MR1: variants seen among roughly 807,000 people sequenced by gnomAD.
MR1 encodes the protein major histocompatibility complex class I-related protein 1.
MR1 carries 44 observed loss-of-function variants against 37.8 expected under a neutral mutation model. The ratio of observed to expected loss-of-function variants is 1.16; its 90% CI spans 0.91 to 1.50. The LOEUF (loss-of-function observed/expected upper bound fraction) is 1.50. Among genes scored for constraint, MR1 ranks in the 40% most tolerant of loss-of-function variants. The pLI, the probability that MR1 is intolerant of heterozygous loss-of-function variation, is 0.00. For synonymous variants in MR1, 153 were observed against 155.8 expected (o/e 0.98, Z 0.13); for missense variants, 386 against 419.1 (o/e 0.92, Z 0.69).
intron 1 of MR1, 138 bp from the exon 2 acceptor site, chr1:181,048,914 T>G: frequency 8.8e-7 from 1 of 1,132,376 alleles, no homozygotes; most frequent in Non-Finnish European, 1.3e-6. Flanking sequence ...TGTGGTTCTG[T>G]AAGAGGAAAT....
Position 181,049,445 on chromosome 1 carries a change from T to C in MR1, c.328+133T>C, listed in dbSNP as rs538100116. On this transcript the variant is annotated intron_variant, in intron 2 of 5. Coordinates refer to ENST00000367580, the MANE Select transcript of MR1 (RefSeq NM_001385161.1). Reference sequence around the variant, plus strand: ...GGCAAAGCCTGAGGAATCAGGTTGGTGGAGTTCAGGGCCTCCCATCTGCCT... The same window carrying C: ...GGCAAAGCCTGAGGAATCAGGTTGGCGGAGTTCAGGGCCTCCCATCTGCCT... 28 of 1,158,992 alleles carry C rather than the reference T, an allele frequency of 2.4e-5. No individual in the cohort carries two copies. In the South Asian group the frequency reaches 4.2e-4, roughly 17 times the overall value. The allele number at this position is 1,158,992 out of a possible 1,614,324, so 71.8% of individuals were successfully genotyped here. A position where few individuals can be genotyped will look rare whatever the true frequency, so the allele number is the denominator to read the frequency against.
Position 181,056,589 on chromosome 1 carries a change from G to C in MR1, c.*1324G>C, listed in dbSNP as rs1425579849. 1 of 152,224 alleles carries C rather than the reference G, an allele frequency of 6.6e-6. No individual in the cohort carries two copies. Among genetic ancestry groups the C allele is most frequent in the Non-Finnish European group, 1.5e-5 (1 of 68,136 alleles). 9.4% of individuals were successfully genotyped at this position (152,224 alleles called of 1,614,324 possible). A position where few individuals can be genotyped will look rare whatever the true frequency, so the allele number is the denominator to read the frequency against. ...ATGTTCCTTACTATCCCCAACCCCT[G>C]AGGCCTCACCTACTGCCCTGCCATG... On this transcript the variant is annotated 3_prime_UTR_variant, in exon 6 of 6. Transcript: ENST00000367580.
intron 1 of MR1, among the ~76,000 whole-genome samples, chr1:181,036,060 T>G (rs147131484): frequency 5.3e-5 from 8 of 152,156 alleles, no homozygotes; most frequent in African/African-American, 1.9e-4. Flanking sequence ...AAAGGAGAGA[T>G]GTCAGAGAGC....
rs1438639443 is a variant in MR1 at position 181,057,556 on chromosome 1, G to A, written c.*2291G>A. 1 of 152,132 alleles carries A rather than the reference G, an allele frequency of 6.6e-6. No homozygotes were observed. The highest frequency in any genetic ancestry group is 1.5e-5 in the Non-Finnish European group (1 of 68,032). 9.4% of individuals were successfully genotyped at this position (152,132 alleles called of 1,614,324 possible). ...AGATAAAAAGCCTCTGTGTTTCCAA[G>A]GCCTTGCCCTACACCTAACACATAA... On this transcript the variant is annotated 3_prime_UTR_variant, in exon 6 of 6. Coordinates refer to ENST00000367580, the MANE Select transcript of MR1 (RefSeq NM_001385161.1).
intron 1 of MR1, among the ~76,000 whole-genome samples, chr1:181,037,319 G>A (rs1040730036): frequency 2.0e-5 from 3 of 152,162 alleles, no homozygotes; most frequent in African/African-American, 7.2e-5. Flanking sequence ...GAGAAAATAT[G>A]GGCTTTTTCT....
chr1:181,038,889 C>T (rs796349496), intron 1 of MR1, among the ~76,000 whole-genome samples: 23 of 152,136 alleles, frequency 1.5e-4, no homozygotes, highest in African/African-American at 3.6e-4. Context: ...CTACAACCTC[C>T]GCCTCCTGGG....
rs770932178 is a variant in MR1, at chr1:181,050,250, T to C, written c.568T>C (p.Phe190Leu). The C allele has an allele frequency of 6.2e-7, 1 of 1,614,202 alleles. No homozygotes were observed. Among genetic ancestry groups the C allele is most frequent in the Admixed American group, 1.7e-5 (1 of 60,034 alleles). Reference protein sequence around the residue: ...EEECIAWLKRFLEYGKDTLQR... With the variant: ...EEECIAWLKRLLEYGKDTLQR... ...AGAATGTATTGCCTGGCTAAAGAGA[T>C]TCCTGGAGTATGGGAAAGACACCCT... The change falls in exon 3 of 6, where the codon TTC becomes CTC. Residue 190 changes from phenylalanine (F) to leucine (L), a missense_variant. By Grantham distance (22) the Phe-to-Leu change is conservative (BLOSUM62 0). Coordinates refer to ENST00000367580, the MANE Select transcript of MR1 (RefSeq NM_001385161.1).
chr1:181,039,138 T>C (rs1657426746), intron 1 of MR1, among the ~76,000 whole-genome samples: 2 of 152,244 alleles, frequency 1.3e-5, no homozygotes, highest in South Asian at 4.1e-4. Context: ...TGGGTTGGAA[T>C]TATAAGACCT....
intron 1 of MR1, among the ~76,000 whole-genome samples, chr1:181,036,784 C>A (rs951298496): frequency 6.6e-6 from 1 of 152,132 alleles, no homozygotes; most frequent in Non-Finnish European, 1.5e-5. Context: ...TCTGGTATAC[C>A]TAGTGCCCAA....
At position 181,059,823 on chromosome 1, in the gene MR1, T is replaced by C. The variant is rs926113342; in HGVS notation, c.*4558T>C. 6.6e-6 allele frequency: 1 copy of C among 152,186 alleles called. No homozygotes were observed. The allele number at this position is 152,186 out of a possible 1,614,324, so 9.4% of individuals were successfully genotyped here. A position where few individuals can be genotyped will look rare whatever the true frequency, so the allele number is the denominator to read the frequency against. On this transcript the variant is annotated 3_prime_UTR_variant, in exon 6 of 6. Coordinates refer to ENST00000367580, the MANE Select transcript of MR1 (RefSeq NM_001385161.1). The stretch of plus-strand genomic sequence containing the variant: ...TGCTCAGGTTCAAAAAGAGGGTGTA[T>C]AGAACCCAACACTCAATAGGAAGAT...
chr1:181,049,191 C>T lies in MR1; in HGVS notation c.207C>T (p.Ala69=). 1 of 1,614,212 alleles carries T rather than the reference C, an allele frequency of 6.2e-7. No individual in the cohort carries two copies. The highest frequency in any genetic ancestry group is 8.5e-7 in the Non-Finnish European group (1 of 1,180,046). Reference sequence around the variant, plus strand: ...TCACTCGGCAGAAGGAGCCACGGGCCCCATGGATGGCAGAGAACCTCGCGC... The same window carrying T: ...TCACTCGGCAGAAGGAGCCACGGGCTCCATGGATGGCAGAGAACCTCGCGC... ...DSVTRQKEPR[A]PWMAENLAPD... The change falls in exon 2 of 6, where the codon GCC becomes GCT. Residue 69 remains alanine (A), a synonymous_variant. Transcript: ENST00000367580.
intron 1 of MR1, among the ~76,000 whole-genome samples, chr1:181,040,319 T>C (rs1657492936): frequency 6.6e-6 from 1 of 152,100 alleles, no homozygotes; most frequent in Non-Finnish European, 1.5e-5. Context: ...TTTTTATAGG[T>C]CAAAAATGGT....
chr1:181,038,303 G>T (rs141789013), intron 1 of MR1, among the ~76,000 whole-genome samples: 1 of 152,276 alleles, frequency 6.6e-6, no homozygotes, highest in Non-Finnish European at 1.5e-5. Context: ...GGGGACTAAT[G>T]GTTCTTGCTG....
intron 2 of MR1, 179 bp from the exon 3 acceptor site, chr1:181,049,832 C>T (rs1292300567): frequency 3.1e-6 from 2 of 651,226 alleles, no homozygotes; most frequent in East Asian, 2.7e-5. Context: ...TCACAGATAC[C>T]TGCTGACAGG....
chr1:181,056,360 C>T lies in MR1; in HGVS notation c.*1095C>T, dbSNP rs1253971929. The T allele has an allele frequency of 7.9e-6, 1 of 127,000 alleles. No individual in the cohort carries two copies. Among genetic ancestry groups the T allele is most frequent in the East Asian group, 2.1e-4 (1 of 4,830 alleles). The allele number at this position is 127,000 out of a possible 1,614,324, so 7.9% of individuals were successfully genotyped here. A position where few individuals can be genotyped will look rare whatever the true frequency, so the allele number is the denominator to read the frequency against. The stretch of plus-strand genomic sequence containing the variant: ...GCCTGGCGACAGAGTGAGACTCTAT[C>T]TCAAAATAATAATAATAATAATAAT... On this transcript the variant is annotated 3_prime_UTR_variant, in exon 6 of 6. Transcript: ENST00000367580.
At chr1:181,046,243 C>T (rs1208306604) in intron 1 of MR1, among the ~76,000 whole-genome samples, 1 of 152,278 alleles carries the variant, frequency 6.6e-6, no homozygotes, top group Non-Finnish European at 1.5e-5. Context: ...CAGGCAGCTC[C>T]ACCTGCAGCC....
chr1:181,047,020 C>A (rs144609092), intron 1 of MR1, among the ~76,000 whole-genome samples: 1 of 152,140 alleles, frequency 6.6e-6, no homozygotes, highest in Non-Finnish European at 1.5e-5. Context: ...CGAGGGTCCA[C>A]GGCTTCATTC....
Position 181,052,308 on chromosome 1 carries a change from C to T in MR1, c.678C>T (p.Gly226=), listed in dbSNP as rs1253171478. The change falls in exon 4 of 6, where the codon GGC becomes GGT. Residue 226 remains glycine (G), a synonymous_variant. Transcript: ENST00000367580. The part of the protein sequence containing the change: ...GVTALFCKAH[G]FYPPEIYMTW... ...CAGCTCTCTTCTGCAAAGCTCATGGCTTTTACCCCCCAGAAATTTACATGA... is the reference window on the plus strand; with the variant it reads ...CAGCTCTCTTCTGCAAAGCTCATGGTTTTTACCCCCCAGAAATTTACATGA... 1 of 1,614,182 alleles carries T rather than the reference C, an allele frequency of 6.2e-7. No homozygotes were observed. Among genetic ancestry groups the T allele is most frequent in the South Asian group, 1.1e-5 (1 of 91,078 alleles).
At chr1:181,046,553 A>C (rs1205066376) in intron 1 of MR1, among the ~76,000 whole-genome samples, 2 of 152,106 alleles carry the variant, frequency 1.3e-5, no homozygotes, top group Non-Finnish European at 2.9e-5. Context: ...TGGTAAACGC[A>C]CCAATCAGTG....
Sources: gnomAD v4.1 joint callset for allele counts (sites outside exome capture counted in the v4.1 genomes callset) on GRCh38, gnomAD v4.1.1 for gene constraint, MANE v1.5 for transcripts, NCBI Gene and HGNC (gene_info 2026-07-23, HGNC 2026-07-21) for gene names.